Variants in KNTC1 observed in about 807,000 individuals in gnomAD.
KNTC1 encodes kinetochore associated 1.
Under a neutral mutation model 314.4 loss-of-function variants are expected in KNTC1, and 253 were observed. The observed-to-expected ratio is 0.80, with a 90% CI of 0.73 to 0.89. The LOEUF is 0.89. Among genes scored for constraint, KNTC1 ranks in the 40% least tolerant of loss-of-function variants. The pLI, the probability that KNTC1 is intolerant of heterozygous loss-of-function variation, is 0.00. For missense variants in KNTC1, 2,475 were observed against 2,572.9 expected (o/e 0.96, Z 0.82); for synonymous variants, 901 against 901.4 (o/e 1.00, Z 0.01).
At chr12:122,540,970 A>G (rs1486445759) in intron 5 of KNTC1, among the ~76,000 whole-genome samples, 1 of 152,114 alleles carries the variant, frequency 6.6e-6, no homozygotes, top group Admixed American at 6.6e-5. Flanking sequence ...TAGGAGCTCG[A>G]AACCAGCCTG....
At chr12:122,580,501 TTGAGA>T (rs999682685) in intron 32 of KNTC1, 97 bp from the exon 33 acceptor site, 51 of 686,650 alleles carry the variant, frequency 7.4e-5, no homozygotes, top group East Asian at 6.4e-4. Context: ...TACTGAAGAC[TTGAGA>T]TGAGAGAACC....
rs1043505785 is a variant in KNTC1, at chr12:122,577,861, G to T, written c.2841+70G>T. 7 of 1,406,428 alleles carry T rather than the reference G, an allele frequency of 5.0e-6. No individual in the cohort carries two copies. The Admixed American group carries it at 1.4e-4, about 29-fold the overall frequency. The allele number at this position is 1,406,428 out of a possible 1,614,324, so 87.1% of individuals were successfully genotyped here. ...GGCTATTAATCAATAGGATAGAAAA[G>T]ATGGACTTACACATATGAAGATCTG... On this transcript the variant is annotated intron_variant, in intron 31 of 63. Coordinates refer to ENST00000333479, the MANE Select transcript of KNTC1 (RefSeq NM_014708.6).
At chr12:122,600,012 CTG>C (rs1342300950) in intron 44 of KNTC1, among the ~76,000 whole-genome samples, 2 of 152,058 alleles carry the variant, frequency 1.3e-5, no homozygotes, top group Non-Finnish European at 2.9e-5. Flanking sequence ...GAGCGAGACT[CTG>C]TGTCAAAAAT....
At chr12:122,530,766 C>T (rs1368302077) in intron 2 of KNTC1, among the ~76,000 whole-genome samples, 2 of 152,080 alleles carry the variant, frequency 1.3e-5, no homozygotes, top group Admixed American at 6.6e-5. Flanking sequence ...AGAATATCTA[C>T]GACTGACTTA....
At position 122,530,057 on chromosome 12, in the gene KNTC1, C is replaced by T. The variant is rs1304285964; in HGVS notation, c.-7C>T. On this transcript the variant is annotated 5_prime_UTR_variant, in exon 2 of 64. Transcript: ENST00000333479. The stretch of plus-strand genomic sequence containing the variant: ...GGTTCCTGACTCAGGAAGACAGTCT[C>T]AGAAACATGTGGAATGATATTGAGC... 6.2e-7 allele frequency: 1 copy of T among 1,612,528 alleles called. No individual in the cohort carries two copies. Among genetic ancestry groups the T allele is most frequent in the South Asian group, 1.1e-5 (1 of 90,726 alleles).
In KNTC1 at chr12:122,609,952, A is replaced by C. The variant is rs575297228; in HGVS notation, c.5543+522A>C. 2.0e-5 allele frequency among the ~76,000 whole-genome samples: 3 copies of C among 152,346 alleles called. No individual in the cohort carries two copies. The South Asian group carries it at 6.2e-4, about 32-fold the overall frequency. ...TTAATGATGCCTGGCACAGGCATGG[A>C]TAAGGGAGCATGGTGGTTCACATGC... On this transcript the variant is annotated intron_variant, in intron 52 of 63. Transcript: ENST00000333479.
rs771155174 is a variant in KNTC1 at position 122,626,242 on chromosome 12, T to C, written c.*14T>C. ...GGATTATCGTAAATCACTGAACCTT[T>C]TTTTCAAGAAGGACAAGAATTTTGG... On this transcript the variant is annotated 3_prime_UTR_variant, in exon 64 of 64. Coordinates refer to ENST00000333479, the MANE Select transcript of KNTC1 (RefSeq NM_014708.6). The C allele has an allele frequency of 6.3e-7, 1 of 1,578,286 alleles. No homozygotes were observed. Among genetic ancestry groups the C allele is most frequent in the Non-Finnish European group, 8.7e-7 (1 of 1,152,406 alleles).
At position 122,605,082 on chromosome 12, in the gene KNTC1, A is replaced by T. The variant is rs1270558933; in HGVS notation, c.5381A>T (p.Tyr1794Phe). The change falls in exon 50 of 64, where the codon TAT becomes TTT. Residue 1794 changes from tyrosine to phenylalanine, a missense_variant. Physicochemically the swap from Tyr to Phe is conservative, Grantham distance 22. Transcript: ENST00000333479. Reference protein sequence around the residue: ...QRIQNSSGTDYPDIHAAAKEI... With the variant: ...QRIQNSSGTDFPDIHAAAKEI... ...ATTCAGAATTCATCTGGCACAGATT[A>T]TCCTGGTGAGGACAAAACAATTTTT... 6.2e-6 allele frequency: 10 copies of T among 1,607,364 alleles called. No individual in the cohort carries two copies. The highest frequency in any genetic ancestry group is 8.5e-6 in the Non-Finnish European group (10 of 1,177,234).
chr12:122,606,453 G>A (rs1238076710), intron 51 of KNTC1, among the ~76,000 whole-genome samples: 1 of 151,856 alleles, frequency 6.6e-6, no homozygotes, highest in Non-Finnish European at 1.5e-5. Flanking sequence ...CCCGACCTCA[G>A]GTGATCCGCC....
intron 20 of KNTC1, among the ~76,000 whole-genome samples, chr12:122,563,970 G>T (rs1964144708): frequency 6.6e-6 from 1 of 152,068 alleles, no homozygotes; most frequent in South Asian, 2.1e-4. Context: ...AAAACATTAT[G>T]GTTCAATGTT....
intron 20 of KNTC1, 124 bp from the exon 21 acceptor site, chr12:122,568,137 A>C: frequency 1.7e-6 from 1 of 602,310 alleles, no homozygotes; most frequent in East Asian, 2.9e-5. Flanking sequence ...GGTTTTTTTT[A>C]GTTTTTTGTT....
intron 5 of KNTC1, among the ~76,000 whole-genome samples, chr12:122,541,802 T>C (rs1326544612): frequency 2.0e-5 from 3 of 151,142 alleles, no homozygotes; most frequent in Non-Finnish European, 2.9e-5. Flanking sequence ...AAGCAGATCA[T>C]GAGGTCAAGA....
rs759320142 is a variant in KNTC1, at chr12:122,544,243, G to A, written c.643G>A (p.Ala215Thr). The change falls in exon 8 of 64, where the codon GCA (alanine) becomes ACA (threonine). Residue 215 changes from alanine (A) to threonine (T), a missense_variant. By Grantham distance (58) the Ala-to-Thr change is moderately conservative. Coordinates refer to ENST00000333479, the MANE Select transcript of KNTC1 (RefSeq NM_014708.6). ...TCTCAGTCTTGTGGCTGGAGATTTA[G>A]CAAGTGAAGTTCCTGTGATAATTGG... ...GCLSLVAGDL[A>T]SEVPVIIGGT... 2 of 1,576,804 alleles carry A rather than the reference G, an allele frequency of 1.3e-6. No individual in the cohort carries two copies. The highest frequency in any genetic ancestry group is 1.7e-6 in the Non-Finnish European group (2 of 1,162,570).
intron 62 of KNTC1, among the ~76,000 whole-genome samples, chr12:122,622,995 A>G (rs1593701016): frequency 6.6e-6 from 1 of 152,178 alleles, no homozygotes; most frequent in African/African-American, 2.4e-5. Context: ...TGTCAACTGT[A>G]GAGCTATTTG....
intron 43 of KNTC1, 63 bp from the exon 44 acceptor site, chr12:122,597,668 A>G (rs917394995): frequency 1.2e-5 from 17 of 1,366,988 alleles, no homozygotes; most frequent in Non-Finnish European, 1.7e-5. Context: ...GTGTTTTGTC[A>G]GATACTTTGC....
chr12:122,617,542 A>T, intron 57 of KNTC1: 1 of 221,518 alleles, frequency 4.5e-6, no homozygotes, highest in Non-Finnish European at 9.4e-6. Context: ...TTCCTTATTC[A>T]CCTTCTTGAA....
chr12:122,563,146 A>G (rs1157859561), intron 20 of KNTC1, among the ~76,000 whole-genome samples: 6 of 152,124 alleles, frequency 3.9e-5, no homozygotes, highest in African/African-American at 9.7e-5. Context: ...TTTTTCAGCA[A>G]CAAAAACGGG....
chr12:122,603,073 A>G lies in KNTC1; in HGVS notation c.4931A>G (p.Glu1644Gly). 6.2e-7 allele frequency: 1 copy of G among 1,613,254 alleles called. No homozygotes were observed. Among genetic ancestry groups the G allele is most frequent in the South Asian group, 1.1e-5 (1 of 91,022 alleles). ...LYVSTAKHVF[E>G]KKLKPKLLKL... is the part of the protein sequence containing the mutation. ...GTGTCTACAGCAAAACACGTTTTCG[A>G]AAAAAAACTGAAGCCAAAGCTCCTG... Residue 1644 changes from glutamate (E) to glycine (G), a missense_variant, in exon 48 of 64, where the codon GAA (glutamate) becomes GGA (glycine). Transcript: ENST00000333479.
rs1869358684 is a variant in KNTC1, at chr12:122,586,695, T to C, written c.3674-6T>C. 2 of 1,439,626 alleles carry C rather than the reference T, an allele frequency of 1.4e-6. No individual in the cohort carries two copies. The highest frequency in any genetic ancestry group is 1.9e-6 in the Non-Finnish European group (2 of 1,075,052). The allele number at this position is 1,439,626 out of a possible 1,614,324, so 89.2% of individuals were successfully genotyped here. On this transcript the variant is annotated splice_region_variant and splice_polypyrimidine_tract_variant and intron_variant, in intron 37 of 63. Coordinates refer to ENST00000333479, the MANE Select transcript of KNTC1 (RefSeq NM_014708.6). ...GTGTTGTTTAATGTTTTATTATCTTTTGTAGAAAGCAAGAGATATCCCTTG... is the reference window on the plus strand; with the variant it reads ...GTGTTGTTTAATGTTTTATTATCTTCTGTAGAAAGCAAGAGATATCCCTTG...
Sources: allele counts gnomAD v4.1 joint callset (sites outside exome capture counted in the v4.1 genomes callset), GRCh38; gene constraint gnomAD v4.1.1; transcripts MANE v1.5; gene names NCBI Gene and HGNC (gene_info 2026-07-23, HGNC 2026-07-21).